FBXW11: variants seen among roughly 807,000 people sequenced by gnomAD.
FBXW11 encodes F-box/WD repeat-containing protein 11.
In FBXW11, 19 loss-of-function variants were observed where a neutral mutation model predicts 77.6. The observed-to-expected ratio is 0.24, with a 90% CI of 0.17 to 0.36. FBXW11 has a LOEUF of 0.36. Among genes scored for constraint, FBXW11 ranks in the 10% least tolerant of loss-of-function variants. FBXW11 has a pLI of 1.00. For synonymous variants in FBXW11, 235 were observed against 249.4 expected (o/e 0.94, Z 0.54); for missense variants, 334 against 704.2 (o/e 0.47, Z 5.95).
intron 1 of FBXW11, among the ~76,000 whole-genome samples, chr5:171,969,624 T>C (rs1764411450): frequency 6.6e-6 from 1 of 152,246 alleles, no homozygotes; most frequent in Non-Finnish European, 1.5e-5. Context: ...AAAAGATGGC[T>C]AAATTCCTAA....
intron 7 of FBXW11, among the ~76,000 whole-genome samples, chr5:171,879,757 A>C (rs1285205433): frequency 2.0e-5 from 3 of 152,130 alleles, no homozygotes; most frequent in African/African-American, 7.2e-5. Context: ...TTCTTTGGTG[A>C]GATGTCTGTT....
chr5:171,963,343 A>G (rs114746560), intron 1 of FBXW11, among the ~76,000 whole-genome samples: 1 of 152,346 alleles, frequency 6.6e-6, no homozygotes, highest in African/African-American at 2.4e-5. Flanking sequence ...TACATAGCAT[A>G]AGCAAAGCCA....
chr5:172,004,474 T>C (rs573311039), intron 1 of FBXW11, among the ~76,000 whole-genome samples: 39 of 152,364 alleles, frequency 2.6e-4, no homozygotes, highest in Non-Finnish European at 5.0e-4. Context: ...GTTATAAGCA[T>C]AGGAAGCCAG....
chr5:171,992,085 A>T (rs963211838), intron 1 of FBXW11, among the ~76,000 whole-genome samples: 4 of 150,932 alleles, frequency 2.7e-5, no homozygotes, highest in African/African-American at 9.8e-5. Context: ...ACTGCCTTCC[A>T]GCCTGGGCAA....
chr5:172,001,451 C>A (rs1766407092), intron 1 of FBXW11, among the ~76,000 whole-genome samples: 2 of 152,138 alleles, frequency 1.3e-5, no homozygotes, highest in Non-Finnish European at 2.9e-5. Context: ...GAAAATTCAA[C>A]CCAACATTTC....
intron 2 of FBXW11, 28 bp downstream of exon 2, chr5:171,957,569 C>T (rs1763680361): frequency 1.3e-6 from 2 of 1,579,582 alleles, no homozygotes; most frequent in Admixed American, 1.7e-5. Context: ...CGTAAAAACA[C>T]ATTTACAACA....
intron 1 of FBXW11, among the ~76,000 whole-genome samples, chr5:172,005,788 A>C (rs1019376176): frequency 1.3e-5 from 2 of 152,300 alleles, no homozygotes; most frequent in East Asian, 1.9e-4. Context: ...TGGAATCCAG[A>C]GTACCTGGGC....
intron 13 of FBXW11, among the ~76,000 whole-genome samples, chr5:171,864,555 C>T (rs553161597): frequency 6.6e-6 from 1 of 152,318 alleles, no homozygotes; most frequent in African/African-American, 2.4e-5. Flanking sequence ...CTCACGAGAG[C>T]CCTCATCGAT....
At chr5:171,994,425 C>A (rs763273366) in intron 1 of FBXW11, among the ~76,000 whole-genome samples, 39 of 152,136 alleles carry the variant, frequency 2.6e-4, no homozygotes, top group African/African-American at 9.4e-4. Flanking sequence ...AAATCCAAAA[C>A]GTTTTGAGTG....
chr5:171,905,250 C>G (rs1561668864), intron 4 of FBXW11, among the ~76,000 whole-genome samples: 1 of 152,112 alleles, frequency 6.6e-6, no homozygotes, highest in Non-Finnish European at 1.5e-5. Flanking sequence ...TTAAGCAGAT[C>G]AGTTTTCCTT....
In FBXW11 at chr5:171,899,231, C is replaced by T. The variant is rs149978040; in HGVS notation, c.624-137G>A. The T allele has an allele frequency of 8.6e-3, 4,955 of 573,424 alleles. 42 individuals are homozygous for T. The highest frequency in any genetic ancestry group is 9.2e-3 in the Non-Finnish European group (3,121 of 338,114). The allele number at this position is 573,424 out of a possible 1,614,324, so 35.5% of individuals were successfully genotyped here. ...TTTTAACAGTTCAAAAGCAGGATTT[C>T]TGACAAATTTACATGTTACAGACAA... On this transcript the variant is annotated intron_variant, in intron 5 of 13. Coordinates refer to ENST00000517395, the MANE Select transcript of FBXW11 (RefSeq NM_001378974.1).
At chr5:171,879,144 G>A (rs190185337) in intron 7 of FBXW11, among the ~76,000 whole-genome samples, 19 of 152,254 alleles carry the variant, frequency 1.2e-4, no homozygotes, top group Admixed American at 6.5e-5. Context: ...TCCTTTTCTC[G>A]CTTCTTTTAC....
chr5:171,939,690 C>T lies in FBXW11; in HGVS notation c.147+17907G>A, dbSNP rs1479419567. The stretch of plus-strand genomic sequence containing the variant: ...CCAACCTGGGCTACACAGCAAGACC[C>T]TGTCTCAAAAAAAAAAAAAAAAAAA... On this transcript the variant is annotated intron_variant, in intron 2 of 13. Transcript: ENST00000517395. 2.5e-5 allele frequency among the ~76,000 whole-genome samples: 3 copies of T among 119,754 alleles called. No individual in the cohort carries two copies. The Admixed American group carries it at 2.7e-4, about 11-fold the overall frequency. The allele number at this position is 119,754 out of a possible 152,430, so 78.6% of individuals were successfully genotyped here. A position where few individuals can be genotyped will look rare whatever the true frequency, so the allele number is the denominator to read the frequency against.
At chr5:172,003,281 C>A (rs1331092847) in intron 1 of FBXW11, 1 of 152,170 alleles carries the variant, frequency 6.6e-6, no homozygotes, top group African/African-American at 2.4e-5. Context: ...CAATCAGAAG[C>A]TCTTGTGAGT....
intron 2 of FBXW11, among the ~76,000 whole-genome samples, chr5:171,922,906 C>CGTGT (rs140856911): frequency 9.3e-5 from 14 of 150,502 alleles, no homozygotes; most frequent in East Asian, 1.9e-4. Context: ...CGTGTGTGTG[C>CGTGT]GTGTGTGTGT....
intron 13 of FBXW11, among the ~76,000 whole-genome samples, chr5:171,865,255 A>G (rs1757313670): frequency 6.6e-6 from 1 of 151,734 alleles, no homozygotes; most frequent in Non-Finnish European, 1.5e-5. Flanking sequence ...CTACATACGC[A>G]CATGTACCCT....
chr5:171,933,464 A>C (rs1054839012), intron 2 of FBXW11, among the ~76,000 whole-genome samples: 9 of 152,214 alleles, frequency 5.9e-5, no homozygotes, highest in Admixed American at 5.9e-4. Context: ...AGAATGTACA[A>C]CACCAAGAAT....
intron 13 of FBXW11, among the ~76,000 whole-genome samples, chr5:171,865,063 A>C (rs1757302581): frequency 6.6e-6 from 1 of 152,088 alleles, no homozygotes; most frequent in African/African-American, 2.4e-5. Flanking sequence ...AAGATCAAGA[A>C]TCTTAAGTCT....
At chr5:171,883,486 C>A (rs1758662333) in intron 7 of FBXW11, among the ~76,000 whole-genome samples, 1 of 152,046 alleles carries the variant, frequency 6.6e-6, no homozygotes, top group Admixed American at 6.5e-5. Flanking sequence ...ATGTAACAAA[C>A]CTGCACGTTG....
Sources: allele counts gnomAD v4.1 joint callset (sites outside exome capture counted in the v4.1 genomes callset), GRCh38; gene constraint gnomAD v4.1.1; transcripts MANE v1.5; gene names NCBI Gene and HGNC (gene_info 2026-07-23, HGNC 2026-07-21).